CNTNAP2: variants seen among roughly 807,000 people sequenced by gnomAD.
CNTNAP2 encodes contactin-associated protein-like 2.
Under a neutral mutation model 155.2 loss-of-function variants are expected in CNTNAP2, and 98 were observed. The observed-to-expected ratio is 0.63, with a 90% confidence interval of 0.54 to 0.75. The LOEUF is 0.75. Ranked by LOEUF, CNTNAP2 falls within the 30% of genes least tolerant of loss-of-function variation. CNTNAP2 has a pLI of 0.00. For missense variants in CNTNAP2, 1,727 were observed against 1,688.1 expected (o/e 1.02, Z -0.40); for synonymous variants, 651 against 631.2 (o/e 1.03, Z -0.47).
intron 1 of CNTNAP2, among the ~76,000 whole-genome samples, chr7:146,148,342 G>A (rs1370718382): frequency 1.3e-5 from 2 of 152,042 alleles, no homozygotes; most frequent in African/African-American, 4.8e-5. Context: ...AAACTTTACT[G>A]AAAACTCTTC....
intron 6 of CNTNAP2, among the ~76,000 whole-genome samples, chr7:147,124,439 T>A (rs1483288749): frequency 3.9e-5 from 6 of 152,184 alleles, no homozygotes; most frequent in African/African-American, 1.4e-4. Flanking sequence ...TGCCCTGATA[T>A]ATAGCATTTG....
At chr7:146,832,360 C>T (rs926084572) in intron 2 of CNTNAP2, among the ~76,000 whole-genome samples, 3 of 151,606 alleles carry the variant, frequency 2.0e-5, no homozygotes, top group Admixed American at 6.6e-5. Flanking sequence ...TGGTCTTAGT[C>T]TAGAACTTCT....
chr7:148,123,631 A>AGAAG (rs1416737483), intron 16 of CNTNAP2, among the ~76,000 whole-genome samples: 81 of 95,426 alleles, frequency 8.5e-4, no homozygotes, highest in African/African-American at 3.0e-3. Context: ...AGGAAGGGAG[A>AGAAG]GCAGGAAGGA....
intron 13 of CNTNAP2, chr7:147,643,373 T>A (rs1007663423): frequency 1.3e-5 from 2 of 152,172 alleles, no homozygotes; most frequent in African/African-American, 4.8e-5. Flanking sequence ...ACACTCCCAA[T>A]TTTCATTTTC....
At chr7:146,235,479 A>T (rs996319657) in intron 1 of CNTNAP2, among the ~76,000 whole-genome samples, 1 of 152,158 alleles carries the variant, frequency 6.6e-6, no homozygotes, top group African/African-American at 2.4e-5. Context: ...ATAGAAAAGA[A>T]AAGGCAACTA....
At position 147,701,137 on chromosome 7, in the gene CNTNAP2, T is replaced by C. The variant is rs188830390; in HGVS notation, c.2098+61831T>C. 1.4e-3 allele frequency among the ~76,000 whole-genome samples: 211 copies of C among 152,302 alleles called. 1 individual carries two copies. The highest frequency in any genetic ancestry group is 4.9e-3 in the African/African-American group (202 of 41,564). ...TTAGAGATGCATTTTGCTAGTGAGG[T>C]CTTTCAATATGTCAGGCTCTTTTCA... On this transcript the variant is annotated intron_variant, in intron 13 of 23. Transcript: ENST00000361727.
intron 15 of CNTNAP2, among the ~76,000 whole-genome samples, chr7:148,070,799 T>A (rs1237425595): frequency 2.0e-5 from 3 of 152,212 alleles, no homozygotes; most frequent in Non-Finnish European, 4.4e-5. Flanking sequence ...ATTTTTATCC[T>A]GGAATACACT....
At chr7:146,880,440 G>T (rs1451922469) in intron 3 of CNTNAP2, among the ~76,000 whole-genome samples, 1 of 151,784 alleles carries the variant, frequency 6.6e-6, no homozygotes, top group African/African-American at 2.4e-5. Flanking sequence ...TAGAATTCCA[G>T]CTTTCAGAAC....
intron 18 of CNTNAP2, among the ~76,000 whole-genome samples, chr7:148,203,031 A>C (rs1795391805): frequency 6.6e-6 from 1 of 152,182 alleles, no homozygotes; most frequent in African/African-American, 2.4e-5. Flanking sequence ...GTATTTTCCA[A>C]AACCTGCAGT....
At chr7:146,686,992 A>G (rs745925353) in intron 1 of CNTNAP2, among the ~76,000 whole-genome samples, 1 of 152,180 alleles carries the variant, frequency 6.6e-6, no homozygotes, top group Non-Finnish European at 1.5e-5. Flanking sequence ...TATTCTGCCA[A>G]TAAGGTGCGT....
chr7:147,216,759 A>G (rs925858630), intron 8 of CNTNAP2, among the ~76,000 whole-genome samples: 1 of 152,008 alleles, frequency 6.6e-6, no homozygotes, highest in Non-Finnish European at 1.5e-5. Context: ...GAATCTATAG[A>G]TTAAGTTGGA....
At chr7:148,055,689 G>A (rs754218536) in intron 15 of CNTNAP2, among the ~76,000 whole-genome samples, 18 of 152,194 alleles carry the variant, frequency 1.2e-4, no homozygotes, top group Admixed American at 3.3e-4. Flanking sequence ...GCTGTTCTCT[G>A]AGCCACAAAA....
At chr7:146,740,583 T>G (rs746762984) in intron 1 of CNTNAP2, among the ~76,000 whole-genome samples, 8 of 152,196 alleles carry the variant, frequency 5.3e-5, no homozygotes, top group Non-Finnish European at 1.2e-4. Context: ...ATAGTCTTGC[T>G]TTTTCTAGGA....
intron 13 of CNTNAP2, among the ~76,000 whole-genome samples, chr7:147,808,691 A>C (rs537343793): frequency 6.6e-6 from 1 of 152,302 alleles, no homozygotes; most frequent in South Asian, 2.1e-4. Flanking sequence ...CTTTGTTAGC[A>C]GATTTAGTAT....
chr7:147,888,848 A>C (rs2116727894), intron 13 of CNTNAP2, among the ~76,000 whole-genome samples: 1 of 152,136 alleles, frequency 6.6e-6, no homozygotes, highest in East Asian at 1.9e-4. Context: ...CCCTAGAGAA[A>C]AAAAGATCTC....
chr7:148,375,413 G>T (rs187393200), intron 21 of CNTNAP2, among the ~76,000 whole-genome samples: 3 of 149,264 alleles, frequency 2.0e-5, no homozygotes, highest in African/African-American at 2.4e-5. Flanking sequence ...AGGCTTGAGC[G>T]CAATGCCGTG....
intron 12 of CNTNAP2, among the ~76,000 whole-genome samples, chr7:147,620,047 T>C (rs931950883): frequency 6.6e-6 from 1 of 152,224 alleles, no homozygotes; most frequent in Non-Finnish European, 1.5e-5. Flanking sequence ...CAGTAATCCA[T>C]AGGATTCTTT....
chr7:147,352,925 TAAGTA>T (rs1470120648), intron 9 of CNTNAP2, among the ~76,000 whole-genome samples: 2 of 151,862 alleles, frequency 1.3e-5, no homozygotes, highest in African/African-American at 2.4e-5. Context: ...TAAACTTTAC[TAAGTA>T]AAGTTAGTAA....
At chr7:147,191,369 A>G (rs1186558296) in intron 8 of CNTNAP2, among the ~76,000 whole-genome samples, 1 of 152,214 alleles carries the variant, frequency 6.6e-6, no homozygotes, top group East Asian at 1.9e-4. Context: ...AGAAGACAAA[A>G]GTAAGATCAA....
Sources: gnomAD v4.1 joint callset for allele counts (sites outside exome capture counted in the v4.1 genomes callset) on GRCh38, gnomAD v4.1.1 for gene constraint, MANE v1.5 for transcripts, NCBI Gene and HGNC (gene_info 2026-07-23, HGNC 2026-07-21) for gene names.